The following TCF12 variants were observed in gnomAD, a reference collection of about 807,000 sequenced individuals.
TCF12 encodes transcription factor 12, also known as DNA-binding protein HTF4.
A neutral mutation model predicts 86.0 loss-of-function variants in TCF12; 45 were observed. The ratio of observed to expected loss-of-function variants is 0.52; its 90% CI spans 0.41 to 0.67. The LOEUF is 0.67. Among genes scored for constraint, TCF12 ranks in the 30% least tolerant of loss-of-function variants. The pLI, the probability that TCF12 is intolerant of heterozygous loss-of-function variation, is 0.00. For missense variants in TCF12, 881 were observed against 859.9 expected, an observed-to-expected ratio of 1.02 and a Z score of -0.31; for synonymous variants, 330 against 299.6, an observed-to-expected ratio of 1.10 and a Z score of -1.05.
chr15:57,223,665 T>TGTTTTTTTTTTG lies in TCF12; in HGVS notation c.580-7487_580-7486insGTTTTTTTTTTG, dbSNP rs1566940973. On this transcript the variant is annotated intron_variant, in intron 8 of 20. Coordinates refer to ENST00000333725, the MANE Select transcript of TCF12 (RefSeq NM_207037.2). ...GAGGTTTTTTTTTTTTTTTTTTTTT[T>TGTTTTTTTTTTG]TTTTTTAGAAATAGAGTAGCAAGTA... Among the ~76,000 whole-genome samples the TGTTTTTTTTTTG allele has an allele frequency of 4.4e-4, 64 of 146,614 alleles. 1 individual carries two copies. Among genetic ancestry groups the TGTTTTTTTTTTG allele is most frequent in the Admixed American group, 3.1e-3 (45 of 14,686 alleles).
At chr15:57,108,884 G>A (rs919045871) in intron 5 of TCF12, among the ~76,000 whole-genome samples, 3 of 152,066 alleles carry the variant, frequency 2.0e-5, no homozygotes, top group Non-Finnish European at 4.4e-5. Context: ...AAATTTTATT[G>A]TCTGCAAAAC....
intron 3 of TCF12, among the ~76,000 whole-genome samples, chr15:57,053,548 A>G (rs373764283): frequency 2.6e-4 from 39 of 151,126 alleles, no homozygotes; most frequent in African/African-American, 8.7e-4. Flanking sequence ...GACCAGTGTC[A>G]TGAAGGTGAG....
intron 3 of TCF12, among the ~76,000 whole-genome samples, chr15:57,029,080 T>G (rs1445882154): frequency 6.6e-6 from 1 of 152,206 alleles, no homozygotes; most frequent in Non-Finnish European, 1.5e-5. Context: ...GATACAGGCA[T>G]GAACCACCCC....
At chr15:57,229,026 C>A (rs765092362) in intron 8 of TCF12, among the ~76,000 whole-genome samples, 1 of 151,818 alleles carries the variant, frequency 6.6e-6, no homozygotes, top group Non-Finnish European at 1.5e-5. Context: ...AGCATGTGTT[C>A]GGGTGCTGTC....
At chr15:57,153,200 G>T (rs1183845303) in intron 5 of TCF12, among the ~76,000 whole-genome samples, 2 of 152,130 alleles carry the variant, frequency 1.3e-5, no homozygotes, top group Admixed American at 1.3e-4. Flanking sequence ...TTCAAGCAGG[G>T]GGAATGTCAC....
intron 12 of TCF12, 141 bp from the exon 13 acceptor site, chr15:57,243,331 G>C (rs899699364): frequency 1.8e-5 from 11 of 619,136 alleles, no homozygotes; most frequent in Admixed American, 3.0e-5. Flanking sequence ...TGATGAAACA[G>C]TCTAAAACTT....
chr15:57,064,074 G>T (rs976600086), intron 4 of TCF12, among the ~76,000 whole-genome samples: 6 of 152,116 alleles, frequency 3.9e-5, no homozygotes, highest in Admixed American at 2.0e-4. Context: ...CTACTAAAGA[G>T]CTTAGAATGC....
chr15:57,250,497 G>A (rs572146344), intron 13 of TCF12, among the ~76,000 whole-genome samples: 1 of 152,330 alleles, frequency 6.6e-6, no homozygotes, highest in African/African-American at 2.4e-5. Context: ...GTGAGGCTGA[G>A]GCGGGTGGAT....
intron 12 of TCF12, among the ~76,000 whole-genome samples, chr15:57,234,887 AATT>A (rs2059317948): frequency 6.6e-6 from 1 of 152,166 alleles, no homozygotes; most frequent in South Asian, 2.1e-4. Flanking sequence ...TGCCTCTTAG[AATT>A]CCCACAGAAT....
chr15:57,232,183 A>G, intron 9 of TCF12, 108 bp from the exon 10 acceptor site: 2 of 1,247,002 alleles, frequency 1.6e-6, no homozygotes, highest in South Asian at 2.7e-5. Flanking sequence ...TAGGTTGGAA[A>G]AGGGAGGAAA....
intron 5 of TCF12, among the ~76,000 whole-genome samples, chr15:57,119,061 G>A (rs1169891578): frequency 1.3e-5 from 2 of 151,914 alleles, no homozygotes; most frequent in Non-Finnish European, 2.9e-5. Context: ...TTAATGAAGG[G>A]CTATTTATTT....
At chr15:56,977,571 G>A (rs549003177) in intron 3 of TCF12, among the ~76,000 whole-genome samples, 9 of 151,244 alleles carry the variant, frequency 6.0e-5, no homozygotes, top group Middle Eastern at 3.4e-3. Flanking sequence ...GTGTATGTAT[G>A]TGTGGAGAGA....
chr15:57,135,487 T>G (rs955405490), intron 5 of TCF12, among the ~76,000 whole-genome samples: 2 of 152,158 alleles, frequency 1.3e-5, no homozygotes, highest in Non-Finnish European at 2.9e-5. Flanking sequence ...CCTCTCAAGA[T>G]TAGAAAGTTG....
chr15:57,081,070 G>C lies in TCF12; in HGVS notation c.223-10719G>C, dbSNP rs563052997. Among the ~76,000 whole-genome samples, 9 of 152,340 alleles carry C rather than the reference G, an allele frequency of 5.9e-5. No homozygotes were observed. The East Asian group carries it at 1.7e-3, about 29-fold the overall frequency. On this transcript the variant is annotated intron_variant, in intron 4 of 20. Transcript: ENST00000333725. ...TCATGAGAGTCCCCCAGTCCAAACAGTTTACTAAAGCTCTTATGACTGTCT... is the reference window on the plus strand; with the variant it reads ...TCATGAGAGTCCCCCAGTCCAAACACTTTACTAAAGCTCTTATGACTGTCT...
At chr15:56,991,757 G>A (rs1229547055) in intron 3 of TCF12, among the ~76,000 whole-genome samples, 6 of 152,012 alleles carry the variant, frequency 3.9e-5, no homozygotes, top group Non-Finnish European at 1.5e-5. Context: ...ATACTCTTCT[G>A]TCAGAACTAC....
chr15:57,043,063 T>C lies in TCF12; in HGVS notation c.149-20687T>C, dbSNP rs112759027. 2.0e-3 allele frequency among the ~76,000 whole-genome samples: 299 copies of C among 152,322 alleles called. 1 individual carries two copies. The highest frequency in any genetic ancestry group is 3.7e-3 in the Non-Finnish European group (254 of 68,022). ...TCATCCTGCAGGTTCATTCATGTTA[T>C]CACAAGTGATAGAATTTTTTCTTTC... On this transcript the variant is annotated intron_variant, in intron 3 of 20. Transcript: ENST00000333725.
chr15:57,289,424 A>T lies in TCF12; in HGVS notation c.*3279A>T, dbSNP rs765221897. ...AGAACACATAATTAGTAACAGATCAAGACACTTAAAACTTTCCCTACAAAA... is the reference window on the plus strand; with the variant it reads ...AGAACACATAATTAGTAACAGATCATGACACTTAAAACTTTCCCTACAAAA... On this transcript the variant is annotated 3_prime_UTR_variant, in exon 21 of 21. Coordinates refer to ENST00000333725, the MANE Select transcript of TCF12 (RefSeq NM_207037.2). The T allele has an allele frequency of 7.9e-5, 12 of 152,178 alleles. No homozygotes were observed. The highest frequency in any genetic ancestry group is 7.9e-4 in the Admixed American group (12 of 15,284). 9.4% of individuals were successfully genotyped at this position (152,178 alleles called of 1,614,324 possible). A position where few individuals can be genotyped will look rare whatever the true frequency, so the allele number is the denominator to read the frequency against.
chr15:57,241,841 A>T (rs1417279379), intron 12 of TCF12, among the ~76,000 whole-genome samples: 1 of 152,092 alleles, frequency 6.6e-6, no homozygotes, highest in Non-Finnish European at 1.5e-5. Context: ...AAAAATACAA[A>T]AATTAGCCAG....
At chr15:57,093,843 A>G (rs113604399) in intron 5 of TCF12, among the ~76,000 whole-genome samples, 1 of 152,246 alleles carries the variant, frequency 6.6e-6, no homozygotes. Flanking sequence ...TTCAAATGAA[A>G]AAAATCTGCA....
Sources: gnomAD v4.1 joint callset for allele counts (sites outside exome capture counted in the v4.1 genomes callset) on GRCh38, gnomAD v4.1.1 for gene constraint, MANE v1.5 for transcripts, NCBI Gene and HGNC (gene_info 2026-07-23, HGNC 2026-07-21) for gene names.